Variants in ADGRG2 observed in about 807,000 individuals in gnomAD.
The protein encoded by ADGRG2 is G protein-coupled receptor 64.
In ADGRG2, 26 loss-of-function variants were observed where a neutral mutation model predicts 74.1. That is an observed-to-expected ratio of 0.35 (90% CI 0.26 to 0.49). The LOEUF is 0.49. Ranked by LOEUF, ADGRG2 falls within the 20% of genes least tolerant of loss-of-function variation. The pLI is 0.99. For missense variants in ADGRG2, 619 were observed against 763.1 expected, an observed-to-expected ratio of 0.81 and a Z score of 2.22; for synonymous variants, 296 against 295.2, an observed-to-expected ratio of 1.00 and a Z score of -0.03.
At chrX:19,048,977 G>A (rs779044798) in intron 3 of ADGRG2, among the ~76,000 whole-genome samples, 14 of 111,548 alleles carry the variant, frequency 1.3e-4, no homozygotes, top group Middle Eastern at 4.6e-3. Context: ...CAATGGAATC[G>A]CCCCAACATT....
rs781192130 is a variant in ADGRG2, at chrX:19,009,842, C to T, written c.1266-60G>A. On this transcript the variant is annotated intron_variant, in intron 17 of 28. Coordinates refer to ENST00000379869, the MANE Select transcript of ADGRG2 (RefSeq NM_001079858.3). ...ATTTATTTATTTTGAGACGGAGTCTCGCTCTGTTGCCAGGCTGGGGTGCAG... is the reference window on the plus strand; with the variant it reads ...ATTTATTTATTTTGAGACGGAGTCTTGCTCTGTTGCCAGGCTGGGGTGCAG... 203 of 953,561 alleles carry T rather than the reference C, an allele frequency of 2.1e-4. 1 individual carries two copies. Among genetic ancestry groups the T allele is most frequent in the East Asian group, 6.8e-5 (2 of 29,351 alleles). The allele number at this position is 953,561 out of a possible 1,213,427, so 78.6% of individuals were successfully genotyped here. A position where few individuals can be genotyped will look rare whatever the true frequency, so the allele number is the denominator to read the frequency against.
Position 19,037,604 on chromosome X carries a change from A to G in ADGRG2, c.187T>C (p.Ser63Pro). ...KLSVVSFAPS[S>P]NGTPEVETTS... ...AAAATCTTGCCTGGAGTACCATTGG[A>G]GGAGGGGGCAAAACTGACAACAGAT... is the stretch of plus-strand genomic sequence containing the variant. Residue 63 changes from serine (S) to proline (P), a missense_variant, in exon 5 of 29, where the codon TCC becomes CCC. By Grantham distance (74) the Ser-to-Pro change is moderately conservative. Transcript: ENST00000379869. 8.6e-7 allele frequency: 1 copy of G among 1,168,143 alleles called. No individual in the cohort carries two copies. Among genetic ancestry groups the G allele is most frequent in the Non-Finnish European group, 1.2e-6 (1 of 867,993 alleles).
intron 2 of ADGRG2, among the ~76,000 whole-genome samples, chrX:19,078,472 G>A (rs1285859137): frequency 1.8e-5 from 2 of 111,039 alleles, no homozygotes; most frequent in Non-Finnish European, 3.8e-5. Context: ...CAAGAGGATC[G>A]CTTGAGGCAA....
At chrX:19,108,104 C>CAAAAAAA (rs143987070) in intron 1 of ADGRG2, among the ~76,000 whole-genome samples, 4 of 44,923 alleles carry the variant, frequency 8.9e-5, no homozygotes, top group Admixed American at 3.2e-4. Context: ...GACTCCGTCT[C>CAAAAAAA]AAAAAAAAAA....
chrX:19,009,105 A>G (rs2060296830), intron 18 of ADGRG2, among the ~76,000 whole-genome samples: 1 of 111,128 alleles, frequency 9.0e-6, no homozygotes, highest in South Asian at 3.8e-4. Context: ...GCCACATTCC[A>G]AAATTCAGCT....
intron 15 of ADGRG2, 27 bp downstream of exon 15, chrX:19,019,572 A>C: frequency 2.8e-6 from 2 of 721,599 alleles, no homozygotes; most frequent in Non-Finnish European, 4.2e-6. Flanking sequence ...TTTTTTAAGG[A>C]GAAGGGTCAG....
chrX:18,990,963 G>A lies in ADGRG2; in HGVS notation c.2955C>T (p.His985=). The A allele has an allele frequency of 8.3e-7, 1 of 1,200,282 alleles. No individual in the cohort carries two copies. Among genetic ancestry groups the A allele is most frequent in the South Asian group, 1.8e-5 (1 of 56,612 alleles). ...VCLHDFTGKQ[H]MFNEKEDSCN... is the part of the protein sequence containing the mutation. ...AGGAATCTTCCTTCTCGTTAAACAT[G>A]TGCTGTTTTCCAGTGAAATCGTGAA... The change falls in exon 29 of 29, where the codon CAC becomes CAT. Residue 985 remains histidine, a synonymous_variant. Transcript: ENST00000379869.
chrX:19,087,746 G>A (rs57113547), intron 1 of ADGRG2, among the ~76,000 whole-genome samples: 5,313 of 111,796 alleles, frequency 0.048, 294 homozygotes, highest in African/African-American at 0.16. Context: ...AGGAGAAGTC[G>A]TCAGTGGGCC....
At chrX:19,085,155 G>A (rs891080296) in intron 1 of ADGRG2, among the ~76,000 whole-genome samples, 1 of 111,389 alleles carries the variant, frequency 9.0e-6, no homozygotes, top group Non-Finnish European at 1.9e-5. Flanking sequence ...TAGATGAAGA[G>A]TTAAACAATG....
At chrX:19,024,634 C>T (rs920002450) in intron 11 of ADGRG2, among the ~76,000 whole-genome samples, 1 of 112,262 alleles carries the variant, frequency 8.9e-6, no homozygotes, top group East Asian at 2.8e-4. Context: ...GTGCTACTGG[C>T]ATCTGGTAGA....
At chrX:19,072,926 C>A (rs993029815) in intron 2 of ADGRG2, among the ~76,000 whole-genome samples, 2 of 111,984 alleles carry the variant, frequency 1.8e-5, no homozygotes, top group Non-Finnish European at 3.8e-5. Context: ...TTAGTCATTG[C>A]ACATCAAAGC....
At chrX:19,084,364 G>A (rs992842388) in intron 1 of ADGRG2, among the ~76,000 whole-genome samples, 2 of 110,490 alleles carry the variant, frequency 1.8e-5, no homozygotes, top group African/African-American at 6.6e-5. Flanking sequence ...ATGCATGCTG[G>A]GCTTAATACC....
chrX:19,031,910 T>A (rs754529779), intron 8 of ADGRG2: 1 of 112,351 alleles, frequency 8.9e-6, no homozygotes, highest in Non-Finnish European at 1.9e-5. Flanking sequence ...AAATCCATAG[T>A]ACATGGGAGG....
At position 19,018,254 on chromosome X, in the gene ADGRG2, C is replaced by T. The variant is rs552268695; in HGVS notation, c.710+1345G>A. Among the ~76,000 whole-genome samples, 7 of 110,576 alleles carry T rather than the reference C, an allele frequency of 6.3e-5. No homozygotes were observed. In the South Asian group the frequency reaches 1.2e-3, roughly 18 times the overall value. ...ATTCTCCCACCTCAGACTACAGGCA[C>T]GTGCCACGATGCCCAGTTTTTTGTT... On this transcript the variant is annotated intron_variant, in intron 15 of 28. Transcript: ENST00000379869.
At chrX:19,090,898 C>A (rs756783653) in intron 1 of ADGRG2, among the ~76,000 whole-genome samples, 47 of 110,937 alleles carry the variant, frequency 4.2e-4, no homozygotes, top group African/African-American at 1.5e-3. Flanking sequence ...GCGATTACAG[C>A]AAGTGCCACA....
chrX:19,105,927 CAAAAAAAAAAAAA>C (rs748026875), intron 1 of ADGRG2, among the ~76,000 whole-genome samples: 3 of 29,993 alleles, frequency 1.0e-4, no homozygotes, highest in African/African-American at 1.3e-4. Flanking sequence ...GACTCTGTCT[CAAAAAAAAAAAAA>C]AAAAAAAAAA....
At chrX:19,002,068 G>A (rs1489755023) in intron 24 of ADGRG2, among the ~76,000 whole-genome samples, 4 of 111,108 alleles carry the variant, frequency 3.6e-5, no homozygotes, top group Admixed American at 9.7e-5. Context: ...CAAAACCACT[G>A]GTAAGTGCCA....
At chrX:19,104,130 G>A (rs774278305) in intron 1 of ADGRG2, among the ~76,000 whole-genome samples, 1 of 110,766 alleles carries the variant, frequency 9.0e-6, no homozygotes, top group Non-Finnish European at 1.9e-5. Context: ...GTAGGCCCTT[G>A]AAACTGAGTG....
intron 3 of ADGRG2, among the ~76,000 whole-genome samples, chrX:19,053,989 AT>A: frequency 9.0e-6 from 1 of 111,689 alleles, no homozygotes; most frequent in Admixed American, 9.5e-5. Context: ...CCGTTATTCA[AT>A]TATCTCCCAC....
Sources: gnomAD v4.1 joint callset for allele counts (sites outside exome capture counted in the v4.1 genomes callset) on GRCh38, gnomAD v4.1.1 for gene constraint, MANE v1.5 for transcripts, NCBI Gene and HGNC (gene_info 2026-07-23, HGNC 2026-07-21) for gene names.